Variants in SAMMSON observed in about 807,000 individuals in gnomAD.
SAMMSON encodes the protein survival associated mitochondrial melanoma specific oncogenic non-coding RNA, also known as long intergenic non-protein coding RNA 1212.
At chr3:70,296,804 C>T (rs1437106188) in intron 7 of SAMMSON, among the ~76,000 whole-genome samples, 1 of 152,112 alleles carries the variant, frequency 6.6e-6, no homozygotes, top group Non-Finnish European at 1.5e-5. Flanking sequence ...TTCTACTCTT[C>T]AGCCCACACT....
chr3:70,017,195 G>A (rs1215650966), intron 3 of SAMMSON, among the ~76,000 whole-genome samples: 2 of 152,082 alleles, frequency 1.3e-5, no homozygotes, highest in Admixed American at 6.6e-5. Context: ...CCACTTTCAC[G>A]ATATTGATTC....
chr3:70,255,372 T>A (rs924196982), intron 6 of SAMMSON, among the ~76,000 whole-genome samples: 1 of 152,144 alleles, frequency 6.6e-6, no homozygotes, highest in Non-Finnish European at 1.5e-5. Flanking sequence ...TTCTTGACAT[T>A]TGGTTCATAA....
At chr3:70,290,759 G>T (rs547141205) in intron 6 of SAMMSON, among the ~76,000 whole-genome samples, 1 of 152,164 alleles carries the variant, frequency 6.6e-6, no homozygotes, top group African/African-American at 2.4e-5. Context: ...TTATAATCTC[G>T]TGGTGCGCCG....
intron 2 of SAMMSON, among the ~76,000 whole-genome samples, chr3:70,402,265 A>AC (rs1245297207): frequency 2.0e-5 from 3 of 152,200 alleles, no homozygotes; most frequent in African/African-American, 7.2e-5. Flanking sequence ...TTACTGAAAC[A>AC]CCATCTGAAA....
chr3:70,125,428 G>T (rs866220558), intron 4 of SAMMSON: 5 of 1,094,698 alleles, frequency 4.6e-6, no homozygotes, highest in Non-Finnish European at 5.4e-6. Flanking sequence ...TAGAAATTCT[G>T]TCCTTTTCCA....
chr3:70,418,736 A>G (rs1386039181), intron 2 of SAMMSON, among the ~76,000 whole-genome samples: 1 of 152,128 alleles, frequency 6.6e-6, no homozygotes, highest in African/African-American at 2.4e-5. Context: ...ATTCTCTGAA[A>G]CCCAGCAGTG....
intron 4 of SAMMSON, among the ~76,000 whole-genome samples, chr3:70,111,733 G>T (rs2106661077): frequency 6.6e-6 from 1 of 152,170 alleles, no homozygotes; most frequent in Admixed American, 6.6e-5. Context: ...TAACAGAACT[G>T]GCAATTTTGG....
At chr3:70,396,092 A>G (rs1045944077) in intron 2 of SAMMSON, among the ~76,000 whole-genome samples, 2 of 152,188 alleles carry the variant, frequency 1.3e-5, no homozygotes, top group African/African-American at 4.8e-5. Flanking sequence ...AGCACCAAGG[A>G]TTAAACATGA....
chr3:70,085,407 T>G (rs2067281896), intron 4 of SAMMSON, among the ~76,000 whole-genome samples: 1 of 152,298 alleles, frequency 6.6e-6, no homozygotes, highest in South Asian at 2.1e-4. Context: ...TTGAGACAAA[T>G]GTAGGGAAGC....
intron 7 of SAMMSON, among the ~76,000 whole-genome samples, chr3:70,331,108 A>T (rs1433784544): frequency 6.6e-6 from 1 of 152,232 alleles, no homozygotes; most frequent in Non-Finnish European, 1.5e-5. Context: ...ACAAAACATG[A>T]ATCCTTCAAC....
chr3:70,251,074 T>A (rs907422134), intron 6 of SAMMSON, among the ~76,000 whole-genome samples: 1 of 152,208 alleles, frequency 6.6e-6, no homozygotes, highest in Non-Finnish European at 1.5e-5. Context: ...ATCGTATTCA[T>A]TAAACCAAAC....
chr3:70,283,009 A>G (rs1057039098), intron 6 of SAMMSON, among the ~76,000 whole-genome samples: 3 of 152,200 alleles, frequency 2.0e-5, no homozygotes, highest in Non-Finnish European at 4.4e-5. Flanking sequence ...GGAGACTGAA[A>G]AAACAGTTGA....
At chr3:70,116,967 T>G (rs149399596) in intron 4 of SAMMSON, among the ~76,000 whole-genome samples, 1 of 152,334 alleles carries the variant, frequency 6.6e-6, no homozygotes, top group African/African-American at 2.4e-5. Flanking sequence ...TGACCAGGTC[T>G]GCCTCATCAT....
At chr3:70,143,070 A>G (rs973641219) in intron 4 of SAMMSON, among the ~76,000 whole-genome samples, 1 of 152,144 alleles carries the variant, frequency 6.6e-6, no homozygotes, top group African/African-American at 2.4e-5. Flanking sequence ...ACATTTAACT[A>G]CTTTCAGGGA....
chr3:70,112,547 T>C (rs2067393966), intron 4 of SAMMSON, among the ~76,000 whole-genome samples: 1 of 152,124 alleles, frequency 6.6e-6, no homozygotes, highest in African/African-American at 2.4e-5. Context: ...AAGACTAATA[T>C]GGCAGAGGGT....
chr3:70,103,766 T>C (rs1415722036), intron 4 of SAMMSON, among the ~76,000 whole-genome samples: 1 of 152,186 alleles, frequency 6.6e-6, no homozygotes, highest in Non-Finnish European at 1.5e-5. Context: ...ACTAGGAAAA[T>C]GCACTTGAAA....
intron 4 of SAMMSON, among the ~76,000 whole-genome samples, chr3:70,108,380 C>T (rs60995599): frequency 7.3e-6 from 1 of 137,570 alleles, no homozygotes; most frequent in Non-Finnish European, 1.5e-5. Flanking sequence ...CAGCAAGCCC[C>T]GCATAGCTTA....
chr3:70,070,143 T>G (rs2067224474), intron 3 of SAMMSON: 1 of 152,086 alleles, frequency 6.6e-6, no homozygotes, highest in Non-Finnish European at 1.5e-5. Context: ...AAAAAATCTT[T>G]TATTTTGAAG....
intron 4 of SAMMSON, among the ~76,000 whole-genome samples, chr3:70,107,091 A>G (rs964738997): frequency 3.3e-5 from 5 of 152,200 alleles, no homozygotes; most frequent in African/African-American, 1.2e-4. Context: ...AGGCATAAAT[A>G]TGCCATCAAG....
Sources: allele counts gnomAD v4.1 joint callset (sites outside exome capture counted in the v4.1 genomes callset), GRCh38; gene constraint gnomAD v4.1.1; transcripts MANE v1.5; gene names NCBI Gene and HGNC (gene_info 2026-07-23, HGNC 2026-07-21).